Variants in TMEM182 observed in about 807,000 individuals in gnomAD.
TMEM182 encodes the protein transmembrane protein 182.
In TMEM182, 20 loss-of-function variants were observed where a neutral mutation model predicts 26.8. The ratio of observed to expected loss-of-function variants is 0.75; its 90% confidence interval spans 0.53 to 1.09. The LOEUF (loss-of-function observed/expected upper bound fraction) is 1.09. Among genes scored for constraint, TMEM182 ranks in the 50% least tolerant of loss-of-function variants. The probability of loss-of-function intolerance (pLI) is 0.00; values close to 1 mark genes in which losing one functional copy is unlikely to be tolerated. For synonymous variants in TMEM182, 109 were observed against 102.2 expected, an observed-to-expected ratio of 1.07 and a Z score of -0.40; for missense variants, 277 against 275.5, an observed-to-expected ratio of 1.01 and a Z score of -0.04.
At chr2:102,762,422 G>T in intron 1 of TMEM182, 73 bp downstream of exon 1, 1 of 1,591,032 alleles carries the variant, frequency 6.3e-7, no homozygotes, top group South Asian at 1.1e-5. Flanking sequence ...CTTGAAATCA[G>T]AGAATAGTAG....
intron 3 of TMEM182, among the ~76,000 whole-genome samples, chr2:102,788,960 G>A (rs544922933): frequency 6.6e-6 from 1 of 152,262 alleles, no homozygotes; most frequent in South Asian, 2.1e-4. Flanking sequence ...TTTGGTGCAG[G>A]CACTACTGTA....
chr2:102,773,687 A>G (rs1680779155), intron 3 of TMEM182, among the ~76,000 whole-genome samples: 1 of 152,102 alleles, frequency 6.6e-6, no homozygotes, highest in African/African-American at 2.4e-5. Flanking sequence ...AATCTGACAT[A>G]TTATACAATA....
chr2:102,832,803 G>A (rs1192424287), intron 3 of TMEM182, among the ~76,000 whole-genome samples: 1 of 152,080 alleles, frequency 6.6e-6, no homozygotes, highest in Non-Finnish European at 1.5e-5. Flanking sequence ...GAATTGCCCA[G>A]GAATAAGGTA....
At chr2:102,774,679 C>A (rs1482911409) in intron 3 of TMEM182, among the ~76,000 whole-genome samples, 5 of 152,048 alleles carry the variant, frequency 3.3e-5, no homozygotes, top group Non-Finnish European at 5.9e-5. Flanking sequence ...AGATGTGTGT[C>A]CAGTTGTTCC....
At chr2:102,764,289 T>C (rs1362733358) in intron 2 of TMEM182, 40 bp from the exon 3 acceptor site, 6 of 1,596,966 alleles carry the variant, frequency 3.8e-6, no homozygotes, top group Non-Finnish European at 5.2e-6. Context: ...ATGACTGAGC[T>C]TTTCAATAAC....
intron 3 of TMEM182, among the ~76,000 whole-genome samples, chr2:102,771,463 G>A (rs1680669318): frequency 6.6e-6 from 1 of 152,090 alleles, no homozygotes; most frequent in Non-Finnish European, 1.5e-5. Context: ...AAGTTCTAGG[G>A]CACAACATCA....
chr2:102,779,471 T>G (rs767999398), intron 3 of TMEM182, among the ~76,000 whole-genome samples: 12 of 152,124 alleles, frequency 7.9e-5, no homozygotes, highest in Admixed American at 1.3e-4. Flanking sequence ...TGTTAGACCT[T>G]TTGTTATAAT....
chr2:102,758,541 C>A, upstream of TMEM182: 1 of 714,924 alleles, frequency 1.4e-6, no homozygotes, highest in Non-Finnish European at 2.6e-6. Context: ...GGTTTGAAAA[C>A]ATCTGTACAG....
At chr2:102,745,176 C>A (rs551994916) in intron 1 of TMEM182, among the ~76,000 whole-genome samples, 2 of 151,624 alleles carry the variant, frequency 1.3e-5, no homozygotes, top group East Asian at 3.9e-4. Flanking sequence ...TTACGTTCAC[C>A]AATTCTTTCC....
chr2:102,841,337 A>G (rs1011012980), intron 3 of TMEM182, among the ~76,000 whole-genome samples: 1 of 152,180 alleles, frequency 6.6e-6, no homozygotes, highest in African/African-American at 2.4e-5. Context: ...GCAGAAGCAC[A>G]GGGGACAGCC....
chr2:102,756,085 T>G (rs572055098), intron 1 of TMEM182, among the ~76,000 whole-genome samples: 1 of 152,192 alleles, frequency 6.6e-6, no homozygotes, highest in South Asian at 2.1e-4. Flanking sequence ...AAGCAAAGAT[T>G]TGAGGAGCTA....
At chr2:102,768,083 G>A (rs554961733) in intron 3 of TMEM182, among the ~76,000 whole-genome samples, 2 of 152,258 alleles carry the variant, frequency 1.3e-5, no homozygotes, top group East Asian at 3.9e-4. Flanking sequence ...ACTGGTACAT[G>A]CACTGGGCCA....
intron 3 of TMEM182, among the ~76,000 whole-genome samples, chr2:102,791,176 T>G (rs1681618934): frequency 1.3e-5 from 2 of 152,192 alleles, no homozygotes; most frequent in African/African-American, 4.8e-5. Context: ...CCACAAATGA[T>G]CTGCCTGCCT....
At chr2:102,800,986 C>T (rs1189323034) in intron 4 of TMEM182, among the ~76,000 whole-genome samples, 1 of 152,110 alleles carries the variant, frequency 6.6e-6, no homozygotes, top group Non-Finnish European at 1.5e-5. Context: ...ACACCTGTAA[C>T]TGGTGGATTT....
At chr2:102,814,201 C>A (rs1365130995) in intron 4 of TMEM182, among the ~76,000 whole-genome samples, 1 of 151,830 alleles carries the variant, frequency 6.6e-6, no homozygotes. Flanking sequence ...ATTTGTATAA[C>A]CATATTTAAT....
chr2:102,751,912 C>T lies in TMEM182; in HGVS notation c.-82-6477C>T, dbSNP rs144336375. Among the ~76,000 whole-genome samples the T allele has an allele frequency of 3.5e-3, 527 of 152,232 alleles. 6 individuals are homozygous for T. Among genetic ancestry groups the T allele is most frequent in the African/African-American group, 0.012 (503 of 41,542 alleles). The stretch of plus-strand genomic sequence containing the variant: ...TGAACTCCTGGCCTCAGGAGATCCT[C>T]GTACCCTGGCTTCCCAAAGTGCTGG... On this transcript the variant is annotated intron_variant, in intron 1 of 5. Transcript: ENST00000409173.
intron 3 of TMEM182, among the ~76,000 whole-genome samples, chr2:102,829,362 G>C (rs1314427878): frequency 6.6e-6 from 1 of 152,186 alleles, no homozygotes; most frequent in Non-Finnish European, 1.5e-5. Context: ...CCAATCCATT[G>C]CCTGTCCAAT....
intron 3 of TMEM182, among the ~76,000 whole-genome samples, chr2:102,789,889 A>G (rs1001285391): frequency 6.6e-6 from 1 of 151,826 alleles, no homozygotes; most frequent in African/African-American, 2.4e-5. Flanking sequence ...CCCACATTCC[A>G]TGGAACTCTT....
At chr2:102,788,436 G>C (rs895705092) in intron 3 of TMEM182, among the ~76,000 whole-genome samples, 2 of 152,124 alleles carry the variant, frequency 1.3e-5, no homozygotes, top group Non-Finnish European at 2.9e-5. Context: ...GGTGGACACT[G>C]AGTGGCTTTG....
Sources: allele counts gnomAD v4.1 joint callset (sites outside exome capture counted in the v4.1 genomes callset), GRCh38; gene constraint gnomAD v4.1.1; transcripts MANE v1.5; gene names NCBI Gene and HGNC (gene_info 2026-07-23, HGNC 2026-07-21).